Variants in NR6A1 observed in about 807,000 individuals in gnomAD.
The protein encoded by NR6A1 is retinoic acid receptor-related testis-associated receptor.
A neutral mutation model predicts 59.1 loss-of-function variants in NR6A1; 7 were observed. The observed-to-expected ratio is 0.12, with a 90% CI of 0.07 to 0.22. The LOEUF (loss-of-function observed/expected upper bound fraction) is 0.22, where lower values mean the gene tolerates loss of function less well. NR6A1 is among the 10% of genes least tolerant of loss of function. NR6A1 has a pLI of 1.00. For synonymous variants in NR6A1, 243 were observed against 236.1 expected (o/e 1.03, Z -0.27); for missense variants, 468 against 611.6 (o/e 0.77, Z 2.48).
Position 124,734,348 on chromosome 9 carries a change from G to A in NR6A1, c.101-999C>T, listed in dbSNP as rs138592269. Among the ~76,000 whole-genome samples, 1,168 of 152,310 alleles carry A rather than the reference G, an allele frequency of 7.7e-3. 13 individuals are homozygous for A. The highest frequency in any genetic ancestry group is 0.037 in the Middle Eastern group (11 of 294). ...CATTACCTCTCACAAGCCTAGCACG[G>A]AGTAGCTGTTCAGTAAACAACTGTA... On this transcript the variant is annotated intron_variant, in intron 1 of 9. Transcript: ENST00000487099.
chr9:124,639,148 G>A (rs1836702135), intron 2 of NR6A1, among the ~76,000 whole-genome samples: 1 of 152,098 alleles, frequency 6.6e-6, no homozygotes, highest in East Asian at 1.9e-4. Flanking sequence ...CTAGATAACC[G>A]AAACTGAAGT....
At chr9:124,724,677 A>C (rs542443177) in intron 2 of NR6A1, among the ~76,000 whole-genome samples, 2 of 152,392 alleles carry the variant, frequency 1.3e-5, no homozygotes, top group South Asian at 4.1e-4. Context: ...TATGTAAGCC[A>C]AAAATTCAGG....
At chr9:124,736,560 G>A (rs2131136948) in intron 1 of NR6A1, among the ~76,000 whole-genome samples, 1 of 152,252 alleles carries the variant, frequency 6.6e-6, no homozygotes, top group South Asian at 2.1e-4. Context: ...AGAATTAAAT[G>A]AGACCAGGTA....
At chr9:124,666,722 C>T (rs1334645536) in intron 2 of NR6A1, among the ~76,000 whole-genome samples, 1 of 152,180 alleles carries the variant, frequency 6.6e-6, no homozygotes, top group Non-Finnish European at 1.5e-5. Context: ...TATCTGTTGA[C>T]AGCTTAGTAT....
chr9:124,688,039 T>C lies in NR6A1; in HGVS notation c.142+45269A>G, dbSNP rs891010191. ...ACAATTAAAACAATATGGTATAAGT[T>C]GGCTGGGCACAGTGGCTCATGCCTG... On this transcript the variant is annotated intron_variant, in intron 2 of 9. Transcript: ENST00000487099. Among the ~76,000 whole-genome samples the C allele has an allele frequency of 3.9e-5, 6 of 152,290 alleles. No homozygotes were observed. In the East Asian group the frequency reaches 1.2e-3, roughly 29 times the overall value.
chr9:124,544,465 G>T (rs1833539823), intron 3 of NR6A1, among the ~76,000 whole-genome samples: 1 of 152,080 alleles, frequency 6.6e-6, no homozygotes, highest in Non-Finnish European at 1.5e-5. Flanking sequence ...ACTCTTTATG[G>T]AACACTTAAT....
intron 2 of NR6A1, among the ~76,000 whole-genome samples, chr9:124,726,518 G>A (rs968245243): frequency 3.9e-5 from 6 of 152,194 alleles, no homozygotes; most frequent in African/African-American, 1.4e-4. Context: ...AGCTACATCG[G>A]CCACATTTCA....
At chr9:124,584,007 A>C (rs896247843) in intron 2 of NR6A1, among the ~76,000 whole-genome samples, 1 of 152,034 alleles carries the variant, frequency 6.6e-6, no homozygotes, top group Non-Finnish European at 1.5e-5. Context: ...CCTAATGCAT[A>C]GCTCAATACC....
intron 2 of NR6A1, among the ~76,000 whole-genome samples, chr9:124,632,386 T>G (rs1836472475): frequency 6.6e-6 from 1 of 152,224 alleles, no homozygotes; most frequent in Non-Finnish European, 1.5e-5. Flanking sequence ...TGTATCTCAT[T>G]GTGGTTTTGA....
intron 2 of NR6A1, among the ~76,000 whole-genome samples, chr9:124,655,144 A>C (rs1436225085): frequency 3.3e-5 from 5 of 152,192 alleles, no homozygotes; most frequent in African/African-American, 1.2e-4. Flanking sequence ...CCATATCAGA[A>C]GGGTATAGTT....
chr9:124,702,319 T>C (rs1003959390), intron 2 of NR6A1, among the ~76,000 whole-genome samples: 2 of 152,224 alleles, frequency 1.3e-5, no homozygotes, highest in South Asian at 4.1e-4. Flanking sequence ...ATTTTTGGCA[T>C]GTAGATATCC....
intron 2 of NR6A1, among the ~76,000 whole-genome samples, chr9:124,688,437 G>A (rs751623272): frequency 2.0e-5 from 3 of 152,136 alleles, no homozygotes; most frequent in African/African-American, 7.2e-5. Context: ...AAGCGAAAAC[G>A]CATATAATGA....
intron 2 of NR6A1, among the ~76,000 whole-genome samples, chr9:124,560,873 T>C (rs1355804451): frequency 6.6e-6 from 1 of 152,114 alleles, no homozygotes; most frequent in East Asian, 1.9e-4. Context: ...AAGACAATTT[T>C]TAACAAACTT....
chr9:124,648,495 A>C (rs188609701), intron 2 of NR6A1, among the ~76,000 whole-genome samples: 1 of 152,344 alleles, frequency 6.6e-6, no homozygotes, highest in African/African-American at 2.4e-5. Flanking sequence ...ACAAACTCAC[A>C]GCTGGCATCA....
At chr9:124,554,879 A>C (rs1833882209) in intron 2 of NR6A1, among the ~76,000 whole-genome samples, 1 of 152,172 alleles carries the variant, frequency 6.6e-6, no homozygotes, top group African/African-American at 2.4e-5. Flanking sequence ...ATAACCCATC[A>C]ATTCTACCCT....
At chr9:124,536,246 T>A in intron 6 of NR6A1, 114 bp from the exon 7 acceptor site, 1 of 1,181,372 alleles carries the variant, frequency 8.5e-7, no homozygotes, top group Non-Finnish European at 1.2e-6. Flanking sequence ...GGCTCCTTGC[T>A]CCATGCCCAC....
intron 4 of NR6A1, 140 bp from the exon 5 acceptor site, chr9:124,540,327 C>A: frequency 1.1e-6 from 1 of 928,886 alleles, no homozygotes; most frequent in South Asian, 1.9e-5. Context: ...CCGGGCCTCT[C>A]ACTAATCTTA....
intron 2 of NR6A1, chr9:124,692,534 T>C: frequency 1.9e-6 from 1 of 528,340 alleles, no homozygotes. Context: ...GACCGTTGAC[T>C]GTACCTTGGG....
chr9:124,683,097 G>A (rs1411518853), intron 2 of NR6A1, among the ~76,000 whole-genome samples: 2 of 152,118 alleles, frequency 1.3e-5, no homozygotes, highest in Non-Finnish European at 2.9e-5. Context: ...AGTAACTTGG[G>A]AAGCTGAGGT....
Sources: gnomAD v4.1 joint callset for allele counts (sites outside exome capture counted in the v4.1 genomes callset) on GRCh38, gnomAD v4.1.1 for gene constraint, MANE v1.5 for transcripts, NCBI Gene and HGNC (gene_info 2026-07-23, HGNC 2026-07-21) for gene names.